SERPINB8: variants seen among roughly 807,000 people sequenced by gnomAD.
SERPINB8 encodes serpin family B member 8, also known as serpin B8.
SERPINB8 carries 25 observed loss-of-function variants against 35.3 expected under a neutral mutation model. The ratio of observed to expected loss-of-function variants is 0.71; its 90% CI spans 0.52 to 0.99. SERPINB8 has a LOEUF of 0.99. Among genes scored for constraint, SERPINB8 ranks in the 50% least tolerant of loss-of-function variants. The probability of loss-of-function intolerance (pLI) is 0.00; values close to 1 mark genes in which losing one functional copy is unlikely to be tolerated. For missense variants in SERPINB8, 484 were observed against 446.5 expected (o/e 1.08, Z -0.76); for synonymous variants, 186 against 160.8 (o/e 1.16, Z -1.19).
At chr18:63,971,904 C>T (rs1443611488) in intron 1 of SERPINB8, among the ~76,000 whole-genome samples, 1 of 152,196 alleles carries the variant, frequency 6.6e-6, no homozygotes, top group Non-Finnish European at 1.5e-5. Flanking sequence ...CCTTTGTCTT[C>T]CTGCCACATT....
intron 6 of SERPINB8, 80 bp from the exon 7 acceptor site, chr18:63,986,794 G>T (rs1305790593): frequency 7.1e-7 from 1 of 1,414,278 alleles, no homozygotes; most frequent in East Asian, 2.3e-5. Context: ...GCATGTCATT[G>T]GGGGAGGGGT....
At chr18:64,009,588 G>A (rs1237391751), downstream of SERPINB8, among the ~76,000 whole-genome samples, 3 of 152,322 alleles carry the variant, frequency 2.0e-5, no homozygotes, top group East Asian at 3.9e-4. Flanking sequence ...TTAGAGATCC[G>A]CAGGGAAATG....
chr18:63,992,679 G>A (rs1383022844), downstream of SERPINB8, among the ~76,000 whole-genome samples: 3 of 152,166 alleles, frequency 2.0e-5, no homozygotes, highest in African/African-American at 4.8e-5. Context: ...AACCGACCAC[G>A]ATCCCTGATG....
Position 63,986,930 on chromosome 18 carries a change from G to T in SERPINB8, c.777G>T (p.Leu259Phe). The change falls in exon 7 of 7, where the codon TTG becomes TTT. Residue 259 changes from leucine (L) to phenylalanine (F), a missense_variant. Physicochemically the swap from Leu to Phe is conservative, Grantham distance 22 (BLOSUM62 0). Transcript: ENST00000397985. ...AAGCCTGGACAAATTCAGAAAAGTT[G>T]ACAAAAAGTAAGGTTCAAGTTTTCC... is the stretch of plus-strand genomic sequence containing the variant. Reference protein sequence around the residue: ...KFKAWTNSEKLTKSKVQVFLP... With the variant: ...KFKAWTNSEKFTKSKVQVFLP... 1 of 1,613,692 alleles carries T rather than the reference G, an allele frequency of 6.2e-7. No individual in the cohort carries two copies.
intron 1 of SERPINB8, chr18:64,004,738 A>G (rs530478965): frequency 5.0e-5 from 20 of 398,036 alleles, no homozygotes; most frequent in Middle Eastern, 1.3e-3. Flanking sequence ...TTCTCTACAG[A>G]AACTTTAAAG....
At chr18:64,018,100 TCTC>T (rs769670510) in intron 7 of SERPINB8, among the ~76,000 whole-genome samples, 3 of 152,206 alleles carry the variant, frequency 2.0e-5, no homozygotes, top group African/African-American at 7.2e-5. Flanking sequence ...GAGCTTTCCT[TCTC>T]ATATATTCTA....
At chr18:64,002,286 G>A (rs1481658791) in intron 1 of SERPINB8, among the ~76,000 whole-genome samples, 2 of 152,074 alleles carry the variant, frequency 1.3e-5, no homozygotes, top group Non-Finnish European at 2.9e-5. Context: ...CTGTATATGG[G>A]GTCAGGAATG....
intron 1 of SERPINB8, among the ~76,000 whole-genome samples, chr18:63,974,527 CTTTG>C (rs1258622969): frequency 2.0e-5 from 3 of 152,178 alleles, no homozygotes; most frequent in African/African-American, 7.2e-5. Context: ...TTGCCTCTGT[CTTTG>C]TTTGTTTGCC....
chr18:63,972,846 T>A (rs1416945748), intron 1 of SERPINB8, among the ~76,000 whole-genome samples: 2 of 152,212 alleles, frequency 1.3e-5, no homozygotes, highest in Admixed American at 6.5e-5. Context: ...CTGCATAGTA[T>A]TCCATGGTGT....
intron 1 of SERPINB8, among the ~76,000 whole-genome samples, chr18:63,970,966 C>G (rs1299529215): frequency 1.3e-5 from 2 of 152,176 alleles, no homozygotes; most frequent in African/African-American, 4.8e-5. Flanking sequence ...ACTCTCAGTC[C>G]TCTGGCTGCT....
At chr18:63,974,676 C>A in intron 1 of SERPINB8, among the ~76,000 whole-genome samples, 2 of 152,028 alleles carry the variant, frequency 1.3e-5, no homozygotes, top group African/African-American at 2.4e-5. Context: ...AAATTAATTG[C>A]TTTTTAGAAA....
chr18:63,979,075 A>G (rs1192007022), intron 2 of SERPINB8, among the ~76,000 whole-genome samples: 1 of 152,240 alleles, frequency 6.6e-6, no homozygotes, highest in Admixed American at 6.5e-5. Context: ...GATAATTGCC[A>G]AATGGATATC....
Position 63,988,781 on chromosome 18 carries a change from T to G in SERPINB8, c.*1503T>G, listed in dbSNP as rs1157719197. 6.6e-6 allele frequency: 1 copy of G among 152,224 alleles called. No individual in the cohort carries two copies. Among genetic ancestry groups the G allele is most frequent in the African/African-American group, 2.4e-5 (1 of 41,456 alleles). The allele number at this position is 152,224 out of a possible 1,614,324, so 9.4% of individuals were successfully genotyped here. ...GCCACATTCATTTAGGGATCATGTT[T>G]TCCAAAGCAGGTTTGGGCAAAATTA... On this transcript the variant is annotated 3_prime_UTR_variant, in exon 7 of 7. Transcript: ENST00000397985.
intron 6 of SERPINB8, chr18:63,986,131 TAG>T: frequency 1.2e-6 from 1 of 814,642 alleles, no homozygotes; most frequent in South Asian, 1.8e-5. Flanking sequence ...AGTCTAGAAA[TAG>T]AGTCAAAATC....
intron 1 of SERPINB8, among the ~76,000 whole-genome samples, chr18:63,977,411 C>T (rs2050598537): frequency 6.6e-6 from 1 of 152,030 alleles, no homozygotes; most frequent in Non-Finnish European, 1.5e-5. Context: ...TCTGCAGCCT[C>T]CACCTCCTGG....
chr18:64,004,827 G>A (rs1307159018), exon 2 of SERPINB8: 1 of 398,386 alleles, frequency 2.5e-6, no homozygotes, highest in Admixed American at 4.4e-5. Context: ...AGGATACACT[G>A]AGAAGCACAA....
chr18:64,006,155 T>G (rs1180210925), downstream of SERPINB8, among the ~76,000 whole-genome samples: 4 of 152,328 alleles, frequency 2.6e-5, no homozygotes, highest in African/African-American at 9.6e-5. Context: ...CATGTGGTTA[T>G]GTCATCTGGA....
intron 1 of SERPINB8, among the ~76,000 whole-genome samples, chr18:64,001,091 G>A (rs1156707265): frequency 6.6e-6 from 1 of 152,162 alleles, no homozygotes; most frequent in Non-Finnish European, 1.5e-5. Context: ...GCTTTCTTTT[G>A]ATTAGAATAG....
In SERPINB8 at chr18:63,981,753, G is replaced by T; in HGVS notation, c.339G>T (p.Gln113His). ...DFKEYCQKFY[Q>H]AELEELSFAE... The stretch of plus-strand genomic sequence containing the variant: ...AAGAATACTGTCAGAAGTTCTATCA[G>T]GCAGAGCTGGAGGAGTTGTCCTTTG... Residue 113 changes from glutamine to histidine, a missense_variant, in exon 4 of 7, where the codon CAG (glutamine) becomes CAT (histidine). By Grantham distance (24) the Gln-to-His change is conservative. Coordinates refer to ENST00000397985, the MANE Select transcript of SERPINB8 (RefSeq NM_002640.4). 6.2e-7 allele frequency: 1 copy of T among 1,613,882 alleles called. No homozygotes were observed. Among genetic ancestry groups the T allele is most frequent in the South Asian group, 1.1e-5 (1 of 91,066 alleles).
Sources: allele counts gnomAD v4.1 joint callset (sites outside exome capture counted in the v4.1 genomes callset), GRCh38; gene constraint gnomAD v4.1.1; transcripts MANE v1.5; gene names NCBI Gene and HGNC (gene_info 2026-07-23, HGNC 2026-07-21).